Variants in MAG observed in about 807,000 individuals in gnomAD.
MAG encodes the protein myelin associated glycoprotein, also known as myelin-associated glycoprotein.
MAG carries 30 observed loss-of-function variants against 60.7 expected under a neutral mutation model. The observed-to-expected ratio is 0.49, with a 90% confidence interval of 0.37 to 0.67. The LOEUF is 0.67. Ranked by LOEUF, MAG falls within the 30% of genes least tolerant of loss-of-function variation. The pLI, the probability that MAG is intolerant of heterozygous loss-of-function variation, is 0.00. For missense variants in MAG, 795 were observed against 851.7 expected (o/e 0.93, Z 0.83); for synonymous variants, 384 against 376.8 (o/e 1.02, Z -0.22).
intron 6 of MAG, 59 bp downstream of exon 6, chr19:35,300,463 G>A: frequency 1.3e-6 from 2 of 1,508,486 alleles, no homozygotes; most frequent in East Asian, 2.3e-5. Flanking sequence ...TAAAGGGAAA[G>A]GGGCCTCATC....
intron 7 of MAG, among the ~76,000 whole-genome samples, chr19:35,306,477 GC>G (rs1446765959): frequency 6.6e-6 from 1 of 152,018 alleles, no homozygotes. Context: ...TTGCTCTGTT[GC>G]CCAGGCTGGA....
At position 35,313,537 on chromosome 19, in the gene MAG, A is replaced by C; in HGVS notation, c.*83A>C. The C allele has an allele frequency of 2.2e-6, 3 of 1,390,284 alleles. No homozygotes were observed. The highest frequency in any genetic ancestry group is 1.9e-6 in the Non-Finnish European group (2 of 1,037,982). The allele number at this position is 1,390,284 out of a possible 1,614,324, so 86.1% of individuals were successfully genotyped here. On this transcript the variant is annotated 3_prime_UTR_variant, in exon 11 of 11. Transcript: ENST00000392213. The stretch of plus-strand genomic sequence containing the variant: ...TGGCTGTGGGCTCCCTTCCTCCCAA[A>C]AGTATCGGGGGCTGGGGCAGGAGGG...
At chr19:35,312,196 C>A in intron 10 of MAG, 179 bp downstream of exon 10, 3 of 1,373,312 alleles carry the variant, frequency 2.2e-6, no homozygotes, top group South Asian at 1.2e-5. Context: ...CAGGCCGAAG[C>A]TGTGTAGGGG....
rs1017800369 is a variant in MAG at position 35,293,223 on chromosome 19, A to G, written c.-79-1012A>G. On this transcript the variant is annotated intron_variant, in intron 1 of 10. Transcript: ENST00000392213. This position sits in a 1 kb window ranked among gnomAD's most constrained non-coding sequence, Gnocchi z 4.0. ...AGTGGACGCGTCTATAGCCATCCTCAGTGTGTGTGTGCAGTTCCTTGCATC... is the reference window on the plus strand; with the variant it reads ...AGTGGACGCGTCTATAGCCATCCTCGGTGTGTGTGTGCAGTTCCTTGCATC... Among the ~76,000 whole-genome samples the G allele has an allele frequency of 2.7e-5, 4 of 150,860 alleles. No individual in the cohort carries two copies. The highest frequency in any genetic ancestry group is 2.0e-4 in the Admixed American group (3 of 15,172).
chr19:35,294,880 A>G (rs1473854561), intron 2 of MAG, among the ~76,000 whole-genome samples: 1 of 152,186 alleles, frequency 6.6e-6, no homozygotes, highest in Non-Finnish European at 1.5e-5. Flanking sequence ...TTGAAGCTGC[A>G]GTTGAGTGAG....
intron 2 of MAG, among the ~76,000 whole-genome samples, chr19:35,294,618 A>G (rs1364289709): frequency 6.6e-6 from 1 of 152,230 alleles, no homozygotes. Flanking sequence ...GTTTATAATT[A>G]TAAGTAATAG....
At chr19:35,309,432 C>A (rs1430386324) in intron 7 of MAG, among the ~76,000 whole-genome samples, 1 of 151,862 alleles carries the variant, frequency 6.6e-6, no homozygotes, top group Non-Finnish European at 1.5e-5. Context: ...TTCTTTCATT[C>A]TTTCATTTTT....
intron 6 of MAG, among the ~76,000 whole-genome samples, chr19:35,300,657 T>C (rs1346135136): frequency 6.6e-6 from 1 of 152,234 alleles, no homozygotes; most frequent in Non-Finnish European, 1.5e-5. Context: ...GCCTGTTAAC[T>C]GCAGCTTCCT....
intron 10 of MAG, chr19:35,312,447 C>A: frequency 1.2e-6 from 1 of 803,936 alleles, no homozygotes. Context: ...CGGGCCTGCC[C>A]GGCAGTGCTG....
At chr19:35,304,288 T>A (rs1282606105) in intron 7 of MAG, among the ~76,000 whole-genome samples, 1 of 152,082 alleles carries the variant, frequency 6.6e-6, no homozygotes, top group Non-Finnish European at 1.5e-5. Flanking sequence ...CTGGGCCAGC[T>A]TCCCCCTCTG....
intron 7 of MAG, among the ~76,000 whole-genome samples, chr19:35,305,909 G>A (rs571508463): frequency 6.8e-6 from 1 of 148,120 alleles, no homozygotes; most frequent in East Asian, 2.0e-4. Flanking sequence ...GAGCTGAGAT[G>A]GAGCCAGTGC....
At chr19:35,308,772 G>A (rs867856232) in intron 7 of MAG, among the ~76,000 whole-genome samples, 4 of 152,054 alleles carry the variant, frequency 2.6e-5, no homozygotes, top group Non-Finnish European at 5.9e-5. Context: ...CGTACTTTTT[G>A]CTGTATACAT....
Position 35,313,602 on chromosome 19 carries a change from T to G in MAG, c.*148T>G. 1 of 682,180 alleles carries G rather than the reference T, an allele frequency of 1.5e-6. No individual in the cohort carries two copies. Among genetic ancestry groups the G allele is most frequent in the East Asian group, 2.9e-5 (1 of 34,638 alleles). 42.3% of individuals were successfully genotyped at this position (682,180 alleles called of 1,614,324 possible). A position where few individuals can be genotyped will look rare whatever the true frequency, so the allele number is the denominator to read the frequency against. On this transcript the variant is annotated 3_prime_UTR_variant, in exon 11 of 11. Transcript: ENST00000392213. ...ACAGTGAGGTCCTGGGGGCCTGACC[T>G]CCCCCTCCTTCCCAGCTGCCCCTCC...
Position 35,295,404 on chromosome 19 carries a change from A to G in MAG, c.-5A>G. 1 of 1,613,922 alleles carries G rather than the reference A, an allele frequency of 6.2e-7. No individual in the cohort carries two copies. On this transcript the variant is annotated 5_prime_UTR_variant, in exon 3 of 11. Coordinates refer to ENST00000392213, the MANE Select transcript of MAG (RefSeq NM_002361.4). The surrounding 1 kb of genome is among the most constrained non-coding windows in gnomAD (Gnocchi z 5.8). ...TTTCCAGCGATCACTCACTCGCTGT[A>G]CAGAATGATATTCCTCACGGCACTG...
chr19:35,302,825 CAAGG>C, intron 7 of MAG, 117 bp downstream of exon 7: 1 of 1,262,166 alleles, frequency 7.9e-7, no homozygotes, highest in Non-Finnish European at 1.1e-6. Flanking sequence ...TCCGCAGAGA[CAAGG>C]AAGGGAGGGC....
Position 35,299,797 on chromosome 19 carries a change from C to A in MAG, c.659C>A (p.Ser220Tyr). The A allele has an allele frequency of 6.5e-7, 1 of 1,541,766 alleles. No individual in the cohort carries two copies. Among genetic ancestry groups the A allele is most frequent in the Non-Finnish European group, 8.7e-7 (1 of 1,148,382 alleles). The part of the protein sequence containing the change: ...ANGHRLGCQA[S>Y]FPNTTLQFEG... ...GGCCACAGGCTGGGCTGCCAGGCCTCCTTCCCCAACACCACCCTGCAGTTC... is the reference window on the plus strand; with the variant it reads ...GGCCACAGGCTGGGCTGCCAGGCCTACTTCCCCAACACCACCCTGCAGTTC... Residue 220 changes from serine (S) to tyrosine (Y), a missense_variant, in exon 5 of 11, where the codon TCC (serine) becomes TAC (tyrosine). By Grantham distance (144) the Ser-to-Tyr change is moderately radical (BLOSUM62 -2). Coordinates refer to ENST00000392213, the MANE Select transcript of MAG (RefSeq NM_002361.4).
Position 35,313,611 on chromosome 19 carries a change from T to G in MAG, c.*157T>G. ...TCCTGGGGGCCTGACCTCCCCCTCC[T>G]TCCCAGCTGCCCCTCCCTGCCAGCA... On this transcript the variant is annotated 3_prime_UTR_variant, in exon 11 of 11. Coordinates refer to ENST00000392213, the MANE Select transcript of MAG (RefSeq NM_002361.4). 1.5e-6 allele frequency: 1 copy of G among 658,232 alleles called. No homozygotes were observed. Among genetic ancestry groups the G allele is most frequent in the Non-Finnish European group, 2.5e-6 (1 of 396,450 alleles). The allele number at this position is 658,232 out of a possible 1,614,324, so 40.8% of individuals were successfully genotyped here.
intron 1 of MAG, among the ~76,000 whole-genome samples, chr19:35,292,483 T>C (rs569778650): frequency 7.7e-4 from 117 of 151,944 alleles, no homozygotes; most frequent in African/African-American, 2.7e-3. Flanking sequence ...GAGGTTTCCT[T>C]GGGGTTCCCG....
chr19:35,304,121 A>G (rs1282030364), intron 7 of MAG, among the ~76,000 whole-genome samples: 1 of 152,218 alleles, frequency 6.6e-6, no homozygotes, highest in Non-Finnish European at 1.5e-5. Flanking sequence ...GATACAGGTT[A>G]GTCCTCGGGG....
Sources: gnomAD v4.1 joint callset for allele counts (sites outside exome capture counted in the v4.1 genomes callset) on GRCh38, gnomAD v4.1.1 for gene constraint, Gnocchi (gnomAD v3.1) non-coding constraint, MANE v1.5 for transcripts, NCBI Gene and HGNC (gene_info 2026-07-23, HGNC 2026-07-21) for gene names.